The following TSHZ2 variants were observed in gnomAD, a reference collection of about 807,000 sequenced individuals.
TSHZ2 encodes the protein teashirt homolog 2.
A neutral mutation model predicts 74.4 loss-of-function variants in TSHZ2; 21 were observed. The ratio of observed to expected loss-of-function variants is 0.28; its 90% CI spans 0.20 to 0.41. The LOEUF is 0.41. Among genes scored for constraint, TSHZ2 ranks in the 10% least tolerant of loss-of-function variants. The pLI is 1.00. For synonymous variants in TSHZ2, 540 were observed against 515.3 expected, an observed-to-expected ratio of 1.05 and a Z score of -0.65; for missense variants, 1,244 against 1,293.5, an observed-to-expected ratio of 0.96 and a Z score of 0.59.
At chr20:53,227,185 T>C (rs919723454) in intron 1 of TSHZ2, among the ~76,000 whole-genome samples, 4 of 151,990 alleles carry the variant, frequency 2.6e-5, no homozygotes, top group Admixed American at 2.6e-4. Flanking sequence ...ATAATATATG[T>C]ATGAGATCCG....
chr20:53,489,748 T>G lies in TSHZ2; in HGVS notation c.*2613T>G, dbSNP rs2145868643. On this transcript the variant is annotated 3_prime_UTR_variant, in exon 3 of 3. Transcript: ENST00000371497. Reference sequence around the variant, plus strand: ...GCCGCCTGGCAACCGTGCATGTCACTGCCGAGGGATGGCTGCTAAGGTTCA... The same window carrying G: ...GCCGCCTGGCAACCGTGCATGTCACGGCCGAGGGATGGCTGCTAAGGTTCA... 6.4e-6 allele frequency: 1 copy of G among 155,614 alleles called. No individual in the cohort carries two copies. The highest frequency in any genetic ancestry group is 6.3e-5 in the Admixed American group (1 of 15,914). The allele number at this position is 155,614 out of a possible 1,614,324, so 9.6% of individuals were successfully genotyped here.
chr20:53,263,655 T>C (rs1398589001), intron 2 of TSHZ2, among the ~76,000 whole-genome samples: 1 of 152,190 alleles, frequency 6.6e-6, no homozygotes, highest in African/African-American at 2.4e-5. Flanking sequence ...AAAGACCAGA[T>C]TCAACTCCTA....
chr20:53,043,599 T>G (rs2123105520), intron 1 of TSHZ2, among the ~76,000 whole-genome samples: 1 of 152,322 alleles, frequency 6.6e-6, no homozygotes, highest in East Asian at 1.9e-4. Flanking sequence ...AGTGGAATTA[T>G]TGCTGCTGCT....
At chr20:53,401,358 T>G (rs1982651143) in intron 2 of TSHZ2, 1 of 152,242 alleles carries the variant, frequency 6.6e-6, no homozygotes, top group Non-Finnish European at 1.5e-5. Context: ...TTACTGTACC[T>G]TTTCTATGTT....
intron 1 of TSHZ2, among the ~76,000 whole-genome samples, chr20:53,137,324 CTG>C (rs1987271945): frequency 7.1e-6 from 1 of 141,354 alleles, no homozygotes; most frequent in Non-Finnish European, 1.5e-5. Context: ...ATTCTAAACA[CTG>C]TGTATCAAGT....
At chr20:53,194,483 G>A (rs1232857163) in intron 1 of TSHZ2, among the ~76,000 whole-genome samples, 2 of 152,158 alleles carry the variant, frequency 1.3e-5, no homozygotes, top group Admixed American at 1.3e-4. Context: ...TTTATGGTTA[G>A]TCTCCGACTT....
chr20:53,465,908 A>G lies in TSHZ2; in HGVS notation c.*9-21236A>G, dbSNP rs569585341. On this transcript the variant is annotated intron_variant, in intron 2 of 2. Coordinates refer to ENST00000371497, the MANE Select transcript of TSHZ2 (RefSeq NM_173485.6). Reference sequence around the variant, plus strand: ...TTCCAATCTACCAACCCTCTTTTCCAGTGTAGACACAACCACAAACATCGC... The same window carrying G: ...TTCCAATCTACCAACCCTCTTTTCCGGTGTAGACACAACCACAAACATCGC... 3.3e-5 allele frequency among the ~76,000 whole-genome samples: 5 copies of G among 150,728 alleles called. No homozygotes were observed. The Admixed American group carries it at 3.3e-4, about 10-fold the overall frequency.
rs1978468499 is a variant in TSHZ2, at chr20:53,305,016, A to G, written c.*8+48445A>G. ...AGTGGTGCGATCTCGGCCCACTGCA[A>G]GCTCCGCCTCCCAGGTTCACGCCAT... On this transcript the variant is annotated intron_variant, in intron 2 of 2. Transcript: ENST00000371497. Among the ~76,000 whole-genome samples, 5 of 151,378 alleles carry G rather than the reference A, an allele frequency of 3.3e-5. No homozygotes were observed. The South Asian group carries it at 1.0e-3, about 32-fold the overall frequency.
chr20:53,429,462 A>T (rs939092136), intron 2 of TSHZ2, among the ~76,000 whole-genome samples: 32 of 152,334 alleles, frequency 2.1e-4, no homozygotes, highest in African/African-American at 7.7e-4. Flanking sequence ...ATAGTGAATA[A>T]GTCTCACGAG....
At chr20:53,194,722 T>G (rs147976109) in intron 1 of TSHZ2, among the ~76,000 whole-genome samples, 90 of 152,312 alleles carry the variant, frequency 5.9e-4, no homozygotes, top group African/African-American at 2.0e-3. Flanking sequence ...AAGGCCTGGG[T>G]AAGGCCTGGG....
At chr20:53,297,565 T>G (rs1471365957) in intron 2 of TSHZ2, among the ~76,000 whole-genome samples, 2 of 152,246 alleles carry the variant, frequency 1.3e-5, no homozygotes, top group Non-Finnish European at 2.9e-5. Context: ...CATAGAGACT[T>G]GATATGACTT....
chr20:53,482,044 C>G (rs1163058910), intron 2 of TSHZ2, among the ~76,000 whole-genome samples: 2 of 136,912 alleles, frequency 1.5e-5, no homozygotes, highest in Non-Finnish European at 3.0e-5. Flanking sequence ...GTAGAAGTTG[C>G]AGTGAGTCGA....
chr20:53,072,587 G>C (rs1226428311), intron 1 of TSHZ2, among the ~76,000 whole-genome samples: 1 of 152,116 alleles, frequency 6.6e-6, no homozygotes, highest in African/African-American at 2.4e-5. Context: ...CTATTTGTAA[G>C]AGCCCATAAA....
intron 2 of TSHZ2, among the ~76,000 whole-genome samples, chr20:53,315,855 T>C (rs1423713318): frequency 6.6e-6 from 1 of 152,172 alleles, no homozygotes; most frequent in Non-Finnish European, 1.5e-5. Flanking sequence ...GGGGCCTACG[T>C]TGGTATGAGA....
At chr20:53,330,075 G>A (rs1979664846) in intron 2 of TSHZ2, among the ~76,000 whole-genome samples, 1 of 152,192 alleles carries the variant, frequency 6.6e-6, no homozygotes, top group South Asian at 2.1e-4. Context: ...CATATGGTAT[G>A]CAAAGCCTAA....
intron 1 of TSHZ2, among the ~76,000 whole-genome samples, chr20:53,047,457 C>T (rs921176693): frequency 1.3e-5 from 2 of 152,084 alleles, no homozygotes; most frequent in African/African-American, 4.8e-5. Context: ...AAAGGAAAAG[C>T]AGTGGAAGGC....
At chr20:53,446,301 C>T (rs111493891) in intron 2 of TSHZ2, among the ~76,000 whole-genome samples, 3 of 151,890 alleles carry the variant, frequency 2.0e-5, no homozygotes, top group South Asian at 2.1e-4. Context: ...CGGTGACTTA[C>T]GCCTGTAATC....
In TSHZ2 at chr20:53,229,963, A is replaced by G. The variant is rs368990383; in HGVS notation, c.41-23536A>G. On this transcript the variant is annotated intron_variant, in intron 1 of 2. Coordinates refer to ENST00000371497, the MANE Select transcript of TSHZ2 (RefSeq NM_173485.6). Reference sequence around the variant, plus strand: ...AAGAGAGGAAGGAAGAAAGAGAAAGAAGAAGGAAGAGAAAGAAAAGAAAGA... The same window carrying G: ...AAGAGAGGAAGGAAGAAAGAGAAAGGAGAAGGAAGAGAAAGAAAAGAAAGA... 3.3e-5 allele frequency among the ~76,000 whole-genome samples: 5 copies of G among 150,598 alleles called. No homozygotes were observed. In the East Asian group the frequency reaches 7.9e-4, roughly 24 times the overall value.
intron 2 of TSHZ2, among the ~76,000 whole-genome samples, chr20:53,376,563 G>T (rs1168466352): frequency 6.6e-6 from 1 of 152,206 alleles, no homozygotes; most frequent in East Asian, 1.9e-4. Context: ...ACTCAGCTAG[G>T]ATGTCTCATT....
Sources: gnomAD v4.1 joint callset for allele counts (sites outside exome capture counted in the v4.1 genomes callset) on GRCh38, gnomAD v4.1.1 for gene constraint, MANE v1.5 for transcripts, NCBI Gene and HGNC (gene_info 2026-07-23, HGNC 2026-07-21) for gene names.